MYO16: variants seen among roughly 807,000 people sequenced by gnomAD.
MYO16 encodes the protein myosin XVI.
MYO16 carries 94 observed loss-of-function variants against 205.3 expected under a neutral mutation model. The ratio of observed to expected loss-of-function variants is 0.46; its 90% CI spans 0.39 to 0.54. The LOEUF is 0.54. MYO16 is among the 20% of genes least tolerant of loss of function. The pLI is 0.00. For synonymous variants in MYO16, 988 were observed against 954.0 expected (o/e 1.04, Z -0.66); for missense variants, 2,315 against 2,387.5 (o/e 0.97, Z 0.63).
At chr13:108,671,447 T>C (rs976307615) in intron 2 of MYO16, among the ~76,000 whole-genome samples, 1 of 152,222 alleles carries the variant, frequency 6.6e-6, no homozygotes, top group African/African-American at 2.4e-5. Flanking sequence ...GCAACCTATA[T>C]AATTTCATCT....
chr13:108,733,209 T>C (rs538743507), intron 4 of MYO16, among the ~76,000 whole-genome samples: 1 of 152,310 alleles, frequency 6.6e-6, no homozygotes, highest in East Asian at 1.9e-4. Flanking sequence ...GAACCACAAA[T>C]GTGTTTTGTT....
chr13:108,797,291 CT>C lies in MYO16; in HGVS notation c.741+3652del, dbSNP rs540040206. Among the ~76,000 whole-genome samples the C allele has an allele frequency of 2.5e-4, 38 of 152,258 alleles. No individual in the cohort carries two copies. The East Asian group carries it at 5.6e-3, about 22-fold the overall frequency. On this transcript the variant is annotated intron_variant, in intron 6 of 34. Transcript: ENST00000457511. ...TGTGGTTGGACATTGGAGTCTGGAA[CT>C]CAGATCTCTAGATGAAAGAAAGAAT...
intron 2 of MYO16, among the ~76,000 whole-genome samples, chr13:108,704,122 T>G (rs1464763188): frequency 6.6e-6 from 1 of 152,176 alleles, no homozygotes; most frequent in African/African-American, 2.4e-5. Context: ...TTTCCAGAAC[T>G]ATGAGAAAAT....
Position 108,666,089 on chromosome 13 carries a change from G to A in MYO16, c.232G>A (p.Val78Ile), listed in dbSNP as rs200537748. The A allele has an allele frequency of 1.9e-6, 3 of 1,614,008 alleles. No individual in the cohort carries two copies. Among genetic ancestry groups the A allele is most frequent in the Non-Finnish European group, 2.5e-6 (3 of 1,179,942 alleles). ...GCTGAAGCATGCGAAGAATCCGAAA[G>A]TTCACTTCAACCTCACGGACATGCT... ...KRLKHAKNPK[V>I]HFNLTDMLQD... Residue 78 changes from valine (V) to isoleucine (I), a missense_variant, in exon 2 of 35, where the codon GTT (valine) becomes ATT (isoleucine). Physicochemically the swap from Val to Ile is conservative, Grantham distance 29 (BLOSUM62 3). Transcript: ENST00000457511.
Position 108,608,988 on chromosome 13 carries a change from T to A in MYO16, c.-39+12749T>A, listed in dbSNP as rs569776790. Among the ~76,000 whole-genome samples, 53 of 152,230 alleles carry A rather than the reference T, an allele frequency of 3.5e-4. No homozygotes were observed. The South Asian group carries it at 8.3e-3, about 24-fold the overall frequency. Reference sequence around the variant, plus strand: ...TGTAACCAAAATCAATGTAAAAAAATTTTTTAATCTTTATTTTTTGAAGGA... The same window carrying A: ...TGTAACCAAAATCAATGTAAAAAAAATTTTTAATCTTTATTTTTTGAAGGA... On this transcript the variant is annotated intron_variant, in intron 1 of 24. Transcript: ENST00000251041.
At chr13:108,828,782 A>G (rs1876430623) in intron 9 of MYO16, among the ~76,000 whole-genome samples, 1 of 152,170 alleles carries the variant, frequency 6.6e-6, no homozygotes, top group Non-Finnish European at 1.5e-5. Flanking sequence ...GACACCAATA[A>G]AAACTGTGGA....
the MYO16 span, among the ~76,000 whole-genome samples, chr13:108,587,040 C>T: frequency 1.3e-5 from 2 of 152,142 alleles, no homozygotes; most frequent in Non-Finnish European, 2.9e-5. Flanking sequence ...AGGACAAAGG[C>T]TTTATTGGGT....
At chr13:108,864,544 T>C (rs1441597228) in intron 11 of MYO16, among the ~76,000 whole-genome samples, 1 of 152,118 alleles carries the variant, frequency 6.6e-6, no homozygotes, top group Non-Finnish European at 1.5e-5. Flanking sequence ...TTTTTGTGTT[T>C]TTGAGACAGG....
At chr13:109,194,901 A>G (rs1011791719) in intron 34 of MYO16, among the ~76,000 whole-genome samples, 2 of 152,126 alleles carry the variant, frequency 1.3e-5, no homozygotes, top group Admixed American at 1.3e-4. Flanking sequence ...AATTAACTAT[A>G]TTGCATGATT....
the MYO16 span, among the ~76,000 whole-genome samples, chr13:108,559,431 A>G: frequency 6.9e-6 from 1 of 144,150 alleles, no homozygotes; most frequent in Admixed American, 6.9e-5. Flanking sequence ...GTTTTAAGCG[A>G]CCCAGTTTGT....
intron 31 of MYO16, among the ~76,000 whole-genome samples, chr13:109,137,474 G>T (rs1388107673): frequency 6.6e-6 from 1 of 152,062 alleles, no homozygotes. Context: ...TTAAAAATTG[G>T]GTTGCTTCAT....
At chr13:109,012,463 G>A (rs1885634363) in intron 22 of MYO16, among the ~76,000 whole-genome samples, 1 of 152,114 alleles carries the variant, frequency 6.6e-6, no homozygotes, top group African/African-American at 2.4e-5. Context: ...AGAATCGAAT[G>A]CCTGATTCTA....
At chr13:108,703,613 G>A (rs1435634284) in intron 2 of MYO16, among the ~76,000 whole-genome samples, 2 of 152,042 alleles carry the variant, frequency 1.3e-5, no homozygotes, top group African/African-American at 4.8e-5. Context: ...TCTTCTGAAG[G>A]GTGCATGAAA....
At chr13:108,767,582 A>G (rs752993902) in intron 4 of MYO16, among the ~76,000 whole-genome samples, 8 of 152,034 alleles carry the variant, frequency 5.3e-5, no homozygotes, top group Non-Finnish European at 1.2e-4. Flanking sequence ...TGGGAATACC[A>G]TTTGCAAGCA....
intron 2 of MYO16, among the ~76,000 whole-genome samples, chr13:108,706,318 A>G (rs1704111975): frequency 6.6e-6 from 1 of 152,182 alleles, no homozygotes; most frequent in African/African-American, 2.4e-5. Flanking sequence ...ATCCAGGGTA[A>G]TATATTGAGA....
At chr13:108,838,690 T>TATAC (rs1487944143) in intron 9 of MYO16, among the ~76,000 whole-genome samples, 3,884 of 135,734 alleles carry the variant, frequency 0.029, 125 homozygotes, top group African/African-American at 0.075. Flanking sequence ...TATATATATA[T>TATAC]ACACACACAC....
intron 14 of MYO16, among the ~76,000 whole-genome samples, chr13:108,896,889 T>C (rs1040813763): frequency 6.6e-6 from 1 of 152,002 alleles, no homozygotes; most frequent in Non-Finnish European, 1.5e-5. Context: ...GGAGAATTGC[T>C]TGAATCCAGG....
At chr13:108,883,388 A>C (rs1328022524) in intron 13 of MYO16, among the ~76,000 whole-genome samples, 3 of 152,210 alleles carry the variant, frequency 2.0e-5, no homozygotes. Context: ...TAGCTGGATC[A>C]ATATTAATAA....
In MYO16 at chr13:109,207,138, G is replaced by A. The variant is rs1880636722; in HGVS notation, c.*302G>A. On this transcript the variant is annotated 3_prime_UTR_variant, in exon 35 of 35. Transcript: ENST00000457511. Reference sequence around the variant, plus strand: ...GCTGGGAAAAGTGTGGACGTGGCCAGAGCGAGAGAGTAGCGGAGGAAAGGA... The same window carrying A: ...GCTGGGAAAAGTGTGGACGTGGCCAAAGCGAGAGAGTAGCGGAGGAAAGGA... The A allele has an allele frequency of 2.8e-6, 1 of 355,438 alleles. No individual in the cohort carries two copies. The highest frequency in any genetic ancestry group is 3.7e-5 in the South Asian group (1 of 27,242). The allele number at this position is 355,438 out of a possible 1,614,324, so 22.0% of individuals were successfully genotyped here. A position where few individuals can be genotyped will look rare whatever the true frequency, so the allele number is the denominator to read the frequency against.
Sources: allele counts gnomAD v4.1 joint callset (sites outside exome capture counted in the v4.1 genomes callset), GRCh38; gene constraint gnomAD v4.1.1; transcripts MANE v1.5; gene names NCBI Gene and HGNC (gene_info 2026-07-23, HGNC 2026-07-21).